The following RYK variants were observed in gnomAD, a reference collection of about 807,000 sequenced individuals.
RYK encodes inactive tyrosine-protein kinase RYK.
In RYK, 21 loss-of-function variants were observed where a neutral mutation model predicts 70.2. That is an observed-to-expected ratio of 0.30 (90% confidence interval 0.21 to 0.43). The LOEUF (loss-of-function observed/expected upper bound fraction) is 0.43. RYK is among the 20% of genes least tolerant of loss of function. RYK has a pLI of 1.00. For synonymous variants in RYK, 267 were observed against 278.0 expected, an observed-to-expected ratio of 0.96 and a Z score of 0.39; for missense variants, 604 against 753.3, an observed-to-expected ratio of 0.80 and a Z score of 2.32.
chr3:134,165,867 T>C (rs1453100569), intron 13 of RYK, among the ~76,000 whole-genome samples: 1 of 152,234 alleles, frequency 6.6e-6, no homozygotes, highest in East Asian at 1.9e-4. Context: ...ACATAACTTA[T>C]TTGCTTTTAT....
intron 9 of RYK, 22 bp from the exon 10 acceptor site, chr3:134,183,093 TG>T (rs1287089724): frequency 4.9e-6 from 7 of 1,430,942 alleles, no homozygotes; most frequent in Non-Finnish European, 5.8e-6. Context: ...GAAAAGAAAA[TG>T]TCTTGAATAA....
rs1367113937 is a variant in RYK at position 134,191,861 on chromosome 3, C to T, written c.1003G>A (p.Val335Ile). Reference sequence around the variant, plus strand: ...AGATAATAAATACCTTCTTGGAGTACATCTTTTAGAGTTATCCTCTCTCTG... The same window carrying T: ...AGATAATAAATACCTTCTTGGAGTATATCTTTTAGAGTTATCCTCTCTCTG... ...ISRERITLKD[V>I]LQEGTFGRIF... is the part of the protein sequence containing the mutation. Residue 335 changes from valine to isoleucine, a missense_variant, in exon 8 of 15, where the codon GTA becomes ATA. Around this residue, in one of 2 missense-constraint regions of RYK, gnomAD observed 466 missense variants for 535.9 expected, o/e 0.87. Coordinates refer to ENST00000623711, the MANE Select transcript of RYK (RefSeq NM_002958.4). 6.2e-7 allele frequency: 1 copy of T among 1,608,458 alleles called. No homozygotes were observed. Among genetic ancestry groups the T allele is most frequent in the Non-Finnish European group, 8.5e-7 (1 of 1,177,584 alleles).
chr3:134,197,920 G>T (rs2013865227), intron 6 of RYK, among the ~76,000 whole-genome samples: 1 of 152,142 alleles, frequency 6.6e-6, no homozygotes, highest in South Asian at 2.1e-4. Flanking sequence ...GGCGTTACAG[G>T]GACATCTATG....
chr3:134,218,500 C>A (rs1346964800), intron 2 of RYK, among the ~76,000 whole-genome samples: 1 of 152,170 alleles, frequency 6.6e-6, no homozygotes, highest in Non-Finnish European at 1.5e-5. Context: ...GAGGTGACAA[C>A]AGGTCACAGC....
chr3:134,195,391 A>C, intron 6 of RYK: 1 of 446,622 alleles, frequency 2.2e-6, no homozygotes, highest in Non-Finnish European at 3.9e-6. Context: ...AAAATCATTA[A>C]GCGAGTTCAT....
intron 8 of RYK, among the ~76,000 whole-genome samples, chr3:134,190,254 C>T (rs2013604940): frequency 6.6e-6 from 1 of 152,218 alleles, no homozygotes; most frequent in African/African-American, 2.4e-5. Context: ...TTTCCCTTCT[C>T]TCTCCAGCCA....
intron 7 of RYK, among the ~76,000 whole-genome samples, chr3:134,193,018 T>C (rs762405097): frequency 2.0e-5 from 3 of 152,230 alleles, no homozygotes; most frequent in Admixed American, 1.3e-4. Context: ...TTTCTATCTG[T>C]AAACAAATGT....
In RYK at chr3:134,222,516, C is replaced by T; in HGVS notation, c.256G>A (p.Val86Met). ...TAGTGACTAATAAGGTCATTTCTCACATAATAAAGTTCTGCATCAAGACCT... is the reference window on the plus strand; with the variant it reads ...TAGTGACTAATAAGGTCATTTCTCATATAATAAAGTTCTGCATCAAGACCT... ...LIGLDAELYY[V>M]RNDLISHYAL... is the part of the protein sequence containing the mutation. The change falls in exon 2 of 15, where the codon GTG becomes ATG. Residue 86 changes from valine (V) to methionine (M), a missense_variant. Val to Met is a conservative substitution (Grantham distance 21). This residue lies in a region of RYK where 466 missense variants were observed against 535.9 expected (regional missense o/e 0.87). Transcript: ENST00000623711. 1 of 1,611,066 alleles carries T rather than the reference C, an allele frequency of 6.2e-7. No individual in the cohort carries two copies. The highest frequency in any genetic ancestry group is 8.5e-7 in the Non-Finnish European group (1 of 1,178,054).
At chr3:134,222,207 T>C (rs1214490711) in intron 2 of RYK, among the ~76,000 whole-genome samples, 1 of 152,218 alleles carries the variant, frequency 6.6e-6, no homozygotes, top group Non-Finnish European at 1.5e-5. Flanking sequence ...GCTAATCAAT[T>C]AAATGATAGC....
intron 4 of RYK, 38 bp downstream of exon 4, chr3:134,209,657 A>G: frequency 7.4e-7 from 1 of 1,349,998 alleles, no homozygotes; most frequent in Non-Finnish European, 9.8e-7. Flanking sequence ...ACCTTCTCAC[A>G]TACATGTAAA....
At chr3:134,158,694 G>A (rs1269229471) in intron 14 of RYK, among the ~76,000 whole-genome samples, 1 of 152,160 alleles carries the variant, frequency 6.6e-6, no homozygotes, top group African/African-American at 2.4e-5. Flanking sequence ...CTGGAACTGA[G>A]AATATACTCA....
intron 1 of RYK, among the ~76,000 whole-genome samples, chr3:134,236,330 A>C (rs2015200150): frequency 6.6e-6 from 1 of 152,196 alleles, no homozygotes; most frequent in South Asian, 2.1e-4. Flanking sequence ...TCCAAAAAGG[A>C]AATTAGAAAA....
intron 6 of RYK, 161 bp from the exon 7 acceptor site, chr3:134,195,343 T>G: frequency 1.8e-6 from 1 of 564,196 alleles, no homozygotes; most frequent in Non-Finnish European, 3.1e-6. Context: ...TTAATCTAAC[T>G]CCTATAGAGC....
intron 6 of RYK, among the ~76,000 whole-genome samples, chr3:134,195,854 G>A (rs2013794777): frequency 6.6e-6 from 1 of 152,092 alleles, no homozygotes; most frequent in African/African-American, 2.4e-5. Flanking sequence ...GCTGATGCAG[G>A]AGAATCGCTT....
intron 1 of RYK, among the ~76,000 whole-genome samples, chr3:134,222,904 C>T (rs1344230880): frequency 2.0e-5 from 3 of 152,130 alleles, no homozygotes; most frequent in South Asian, 2.1e-4. Context: ...AAAAAATTTA[C>T]GTAGACTTAG....
intron 1 of RYK, among the ~76,000 whole-genome samples, chr3:134,242,589 T>C (rs1483534468): frequency 1.3e-5 from 2 of 152,232 alleles, no homozygotes; most frequent in East Asian, 3.8e-4. Context: ...TGTACAAGTT[T>C]TTGTTTTGCT....
At chr3:134,250,374 G>T in intron 1 of RYK, 49 bp downstream of exon 1, 1 of 1,236,170 alleles carries the variant, frequency 8.1e-7, no homozygotes, top group Non-Finnish European at 1.0e-6. Flanking sequence ...GCCGGAAGCT[G>T]CCCCAGCCGG....
At position 134,159,356 on chromosome 3, in the gene RYK, C is replaced by T. The variant is rs150612086; in HGVS notation, c.1593G>A (p.Thr531=). The change falls in exon 14 of 15, where the codon ACG becomes ACA. Residue 531 remains threonine (T), a synonymous_variant. Coordinates refer to ENST00000623711, the MANE Select transcript of RYK (RefSeq NM_002958.4). ...GGCCCAGAGTCATGAGTTCCCACAG[C>T]GTCACTCCAAAGGCCCACTAGTAAA... is the stretch of plus-strand genomic sequence containing the variant. ...SASDVWAFGV[T]LWELMTLGQT... The T allele has an allele frequency of 1.9e-5, 30 of 1,611,746 alleles. No homozygotes were observed. In the East Asian group the frequency reaches 4.5e-4, roughly 24 times the overall value.
At chr3:134,248,684 G>C (rs1034137351) in intron 1 of RYK, among the ~76,000 whole-genome samples, 1 of 151,936 alleles carries the variant, frequency 6.6e-6, no homozygotes, top group East Asian at 1.9e-4. Context: ...AGAAGTGGTC[G>C]CTACTTGGGA....
Sources: allele counts gnomAD v4.1 joint callset (sites outside exome capture counted in the v4.1 genomes callset), GRCh38; gene constraint gnomAD v4.1.1; regional missense constraint gnomAD v4.1.1; transcripts MANE v1.5; gene names NCBI Gene and HGNC (gene_info 2026-07-23, HGNC 2026-07-21).